SYNM: variants seen among roughly 807,000 people sequenced by gnomAD.
The protein encoded by SYNM is synemin.
In SYNM, 95 loss-of-function variants were observed where a neutral mutation model predicts 104.0. The observed-to-expected ratio is 0.91, with a 90% confidence interval of 0.77 to 1.08. The LOEUF is 1.08. SYNM is among the 50% of genes least tolerant of loss of function. The pLI is 0.00. For missense variants in SYNM, 2,150 were observed against 2,052.2 expected (o/e 1.05, Z -0.92); for synonymous variants, 918 against 869.0 (o/e 1.06, Z -0.99).
chr15:99,131,183 C>A lies in SYNM; in HGVS notation c.2823C>A (p.Ser941=). Residue 941 remains serine (S), a synonymous_variant, in exon 4 of 4, where the codon TCC becomes TCA. Coordinates refer to ENST00000336292, the MANE Select transcript of SYNM (RefSeq NM_145728.3). The surrounding 1 kb of genome is among the most constrained non-coding windows in gnomAD (Gnocchi z 4.3). ...HEFHTSMKGI[S]SKEPRQQLVE... ...TCCACACCTCCATGAAGGGCATCTC[C>A]TCCAAGGAGCCCCGGCAGCAGCTGG... 1 of 1,607,354 alleles carries A rather than the reference C, an allele frequency of 6.2e-7. No homozygotes were observed. The highest frequency in any genetic ancestry group is 8.5e-7 in the Non-Finnish European group (1 of 1,176,872).
In SYNM at chr15:99,113,680, G is replaced by A; in HGVS notation, c.900G>A (p.Val300=). The part of the protein sequence containing the change: ...WLRDYQDLLQ[V]KTGLSLEVAT... ...GGGACTATCAGGACCTCCTGCAGGT[G>A]AAGACCGGCCTCAGTCTGGAGGTGG... Residue 300 remains valine (V), a synonymous_variant, in exon 2 of 4, where the codon GTG becomes GTA. Transcript: ENST00000336292. 6.2e-7 allele frequency: 1 copy of A among 1,613,598 alleles called. No homozygotes were observed. Among genetic ancestry groups the A allele is most frequent in the South Asian group, 1.1e-5 (1 of 90,970 alleles).
chr15:99,137,106 C>G (rs1387677426), downstream of SYNM: 8 of 152,360 alleles, frequency 5.3e-5, no homozygotes, highest in African/African-American at 1.9e-4. Context: ...ACCTGCACCC[C>G]TACCCCTGGG....
At position 99,132,872 on chromosome 15, in the gene SYNM, C is replaced by A; in HGVS notation, c.4512C>A (p.Ser1504Arg). 6.2e-7 allele frequency: 1 copy of A among 1,613,844 alleles called. No individual in the cohort carries two copies. The highest frequency in any genetic ancestry group is 8.5e-7 in the Non-Finnish European group (1 of 1,179,844). The stretch of plus-strand genomic sequence containing the variant: ...GGAATGACCAGGCAGTTGGTGTGAG[C>A]TTTAAGGCCTCTGCTGGGGAAGGAG... ...DSRNDQAVGVSFKASAGEGDQ... is the reference protein window; with the variant it reads ...DSRNDQAVGVRFKASAGEGDQ... Residue 1504 changes from serine (S) to arginine (R), a missense_variant, in exon 4 of 4, where the codon AGC becomes AGA. By Grantham distance (110) the Ser-to-Arg change is moderately radical. Coordinates refer to ENST00000336292, the MANE Select transcript of SYNM (RefSeq NM_145728.3).
Position 99,105,367 on chromosome 15 carries a change from G to A in SYNM, c.168G>A (p.Gly56=). 6.5e-7 allele frequency: 1 copy of A among 1,528,570 alleles called. No individual in the cohort carries two copies. Among genetic ancestry groups the A allele is most frequent in the Non-Finnish European group, 8.8e-7 (1 of 1,142,340 alleles). 94.7% of individuals were successfully genotyped at this position (1,528,570 alleles called of 1,614,324 possible). A position where few individuals can be genotyped will look rare whatever the true frequency, so the allele number is the denominator to read the frequency against. ...GGCGAGAGGGCCTGTGGGCCGAGGG[G>A]CAGGCCCGCTGCGCCGAGGAGGCGC... ...RRGREGLWAE[G]QARCAEEARS... is the part of the protein sequence containing the mutation. The change falls in exon 1 of 4, where the codon GGG becomes GGA. Residue 56 remains glycine (G), a synonymous_variant. Transcript: ENST00000336292.
At position 99,133,420 on chromosome 15, in the gene SYNM, TA is replaced by T. The variant is rs2067534029; in HGVS notation, c.*365del. The T allele has an allele frequency of 9.1e-6, 2 of 218,868 alleles. No individual in the cohort carries two copies. The highest frequency in any genetic ancestry group is 1.0e-4 in the Admixed American group (2 of 19,170). The allele number at this position is 218,868 out of a possible 1,614,324, so 13.6% of individuals were successfully genotyped here. A position where few individuals can be genotyped will look rare whatever the true frequency, so the allele number is the denominator to read the frequency against. ...ATAGATGTCAAAACATTAACCAGAT[TA>T]AAGTAATATATTTAAGAGTAAATTT... On this transcript the variant is annotated 3_prime_UTR_variant, in exon 4 of 4. Transcript: ENST00000336292.
chr15:99,138,336 CAG>C (rs1280319925), downstream of SYNM, among the ~76,000 whole-genome samples: 2 of 150,894 alleles, frequency 1.3e-5, no homozygotes, highest in Admixed American at 6.6e-5. Flanking sequence ...TTTTTTCAGA[CAG>C]AGTCTCACTC....
chr15:99,123,832 G>A (rs7167303), intron 2 of SYNM, among the ~76,000 whole-genome samples: 95,105 of 152,182 alleles, frequency 0.62, 29,973 homozygotes, highest in Middle Eastern at 0.68. Flanking sequence ...TTGTGCCCAC[G>A]GTGCTGAGTC....
At chr15:99,127,240 G>A (rs2067456248) in intron 3 of SYNM, among the ~76,000 whole-genome samples, 2 of 152,162 alleles carry the variant, frequency 1.3e-5, no homozygotes, top group African/African-American at 4.8e-5. Context: ...GATGGGAATA[G>A]TTACATTGTT....
intron 1 of SYNM, among the ~76,000 whole-genome samples, chr15:99,110,039 CA>C (rs1555483243): frequency 1.3e-5 from 2 of 152,152 alleles, no homozygotes; most frequent in African/African-American, 4.8e-5. Context: ...TGCAGTAACC[CA>C]GGCAGGAAGT....
At chr15:99,106,590 G>C (rs2067246415) in intron 1 of SYNM, among the ~76,000 whole-genome samples, 1 of 152,242 alleles carries the variant, frequency 6.6e-6, no homozygotes, top group African/African-American at 2.4e-5. Context: ...GAGCTTGATC[G>C]AAGATGTTTT....
Position 99,105,781 on chromosome 15 carries a change from G to A in SYNM, c.582G>A (p.Ser194=). Residue 194 remains serine, a synonymous_variant, in exon 1 of 4, where the codon TCG becomes TCA. Coordinates refer to ENST00000336292, the MANE Select transcript of SYNM (RefSeq NM_145728.3). Reference sequence around the variant, plus strand: ...GCTACGCACTGCTGGTGGCCGAGTCGTGGCGGGAGACGGTGCAGCTGTACG... The same window carrying A: ...GCTACGCACTGCTGGTGGCCGAGTCATGGCGGGAGACGGTGCAGCTGTACG... ...HDSYALLVAE[S]WRETVQLYED... 6.5e-7 allele frequency: 1 copy of A among 1,540,798 alleles called. No individual in the cohort carries two copies. The highest frequency in any genetic ancestry group is 1.2e-5 in the South Asian group (1 of 83,314).
At position 99,105,845 on chromosome 15, in the gene SYNM, G is replaced by T. The variant is rs1555482621; in HGVS notation, c.646G>T (p.Gly216Cys). ...CGAGCTGGAGGAGGCGCTGCGGCGC[G>T]GCCAGGAGAGCAGACTCCAGGCGGA... Reference protein sequence around the residue: ...VRELEEALRRGQESRLQAEEE... With the variant: ...VRELEEALRRCQESRLQAEEE... The change falls in exon 1 of 4, where the codon GGC (glycine) becomes TGC (cysteine). Residue 216 changes from glycine to cysteine, a missense_variant. Coordinates refer to ENST00000336292, the MANE Select transcript of SYNM (RefSeq NM_145728.3). 6.5e-7 allele frequency: 1 copy of T among 1,542,608 alleles called. No homozygotes were observed. The highest frequency in any genetic ancestry group is 1.2e-5 in the South Asian group (1 of 83,608).
At chr15:99,119,670 C>T (rs1555484328) in intron 2 of SYNM, among the ~76,000 whole-genome samples, 1 of 152,202 alleles carries the variant, frequency 6.6e-6, no homozygotes, top group Non-Finnish European at 1.5e-5. Flanking sequence ...AAGGTGATGA[C>T]TTGGATTGGA....
At chr15:99,111,973 T>TG (rs2067303415) in intron 1 of SYNM, among the ~76,000 whole-genome samples, 1 of 152,188 alleles carries the variant, frequency 6.6e-6, no homozygotes, top group African/African-American at 2.4e-5. Flanking sequence ...CACTTGAACC[T>TG]GGGAGGTGGA....
chr15:99,133,009 T>A lies in SYNM; in HGVS notation c.4649T>A (p.Leu1550His). 6.2e-7 allele frequency: 1 copy of A among 1,613,732 alleles called. No homozygotes were observed. Among genetic ancestry groups the A allele is most frequent in the Non-Finnish European group, 8.5e-7 (1 of 1,179,858 alleles). The change falls in exon 4 of 4, where the codon CTC becomes CAC. Residue 1550 changes from leucine (L) to histidine (H), a missense_variant. By Grantham distance (99) the Leu-to-His change is moderately conservative (BLOSUM62 -3). Transcript: ENST00000336292. ...SVISDEKKVA[L>H]LYLDNEEEEN... is the part of the protein sequence containing the mutation. ...ATTTCAGATGAAAAGAAAGTTGCCC[T>A]CCTCTATCTAGACAATGAGGAGGAG...
Position 99,131,089 on chromosome 15 carries a change from A to C in SYNM, c.2729A>C (p.Gln910Pro), listed in dbSNP as rs184173869. The C allele has an allele frequency of 1.2e-6, 2 of 1,604,434 alleles. No individual in the cohort carries two copies. Among genetic ancestry groups the C allele is most frequent in the African/African-American group, 1.3e-5 (1 of 74,868 alleles). Reference sequence around the variant, plus strand: ...CTGGGTTCCACTCACTGGAAAGAACAAGCTAGAAGCGGTGAATTTCATGCC... The same window carrying C: ...CTGGGTTCCACTCACTGGAAAGAACCAGCTAGAAGCGGTGAATTTCATGCC... Reference protein sequence around the residue: ...GDLGSTHWKEQARSGEFHAEP... With the variant: ...GDLGSTHWKEPARSGEFHAEP... The change falls in exon 4 of 4, where the codon CAA (glutamine) becomes CCA (proline). Residue 910 changes from glutamine to proline, a missense_variant. Physicochemically the swap from Gln to Pro is moderately conservative, Grantham distance 76. Transcript: ENST00000336292. The surrounding 1 kb of genome is among the most constrained non-coding windows in gnomAD (Gnocchi z 4.3).
chr15:99,123,303 GT>G (rs10695953), intron 2 of SYNM, among the ~76,000 whole-genome samples: 16 of 145,980 alleles, frequency 1.1e-4, no homozygotes, highest in South Asian at 2.2e-4. Context: ...TGATTATCTG[GT>G]TTTTTTTTTT....
In SYNM at chr15:99,132,084, G is replaced by C. The variant is rs549808947; in HGVS notation, c.3724G>C (p.Ala1242Pro). The change falls in exon 4 of 4, where the codon GCT (alanine) becomes CCT (proline). Residue 1242 changes from alanine (A) to proline (P), a missense_variant. Coordinates refer to ENST00000336292, the MANE Select transcript of SYNM (RefSeq NM_145728.3). ...GATTATTTTTCAGGGCCCCATTTCT[G>C]CTGCAGGGAAGGTTGGTGATTATTT... Reference protein sequence around the residue: ...KEIIFQGPISAAGKVGDYFAT... With the variant: ...KEIIFQGPISPAGKVGDYFAT... 1 of 1,613,946 alleles carries C rather than the reference G, an allele frequency of 6.2e-7. No individual in the cohort carries two copies. The highest frequency in any genetic ancestry group is 2.2e-5 in the East Asian group (1 of 44,886).
At chr15:99,126,289 T>C (rs1040860327) in intron 2 of SYNM, among the ~76,000 whole-genome samples, 1 of 152,330 alleles carries the variant, frequency 6.6e-6, no homozygotes, top group Admixed American at 6.5e-5. Context: ...CAGCTGTGAC[T>C]CCAGGAAGAA....
Sources: allele counts gnomAD v4.1 joint callset (sites outside exome capture counted in the v4.1 genomes callset), GRCh38; gene constraint gnomAD v4.1.1; non-coding constraint Gnocchi (gnomAD v3.1); transcripts MANE v1.5; gene names NCBI Gene and HGNC (gene_info 2026-07-23, HGNC 2026-07-21).